DNAH8: variants seen among roughly 807,000 people sequenced by gnomAD.
DNAH8 encodes the protein dynein axonemal heavy chain 8.
In DNAH8, 382 loss-of-function variants were observed where a neutral mutation model predicts 562.1. That is an observed-to-expected ratio of 0.68 (90% CI 0.63 to 0.74). The LOEUF (loss-of-function observed/expected upper bound fraction) is 0.74. DNAH8 is among the 30% of genes least tolerant of loss of function. DNAH8 has a pLI of 0.00. For missense variants in DNAH8, 5,203 were observed against 5,620.4 expected, an observed-to-expected ratio of 0.93 and a Z score of 2.37; for synonymous variants, 1,881 against 1,919.4, an observed-to-expected ratio of 0.98 and a Z score of 0.52.
At position 38,990,008 on chromosome 6, in the gene DNAH8, A is replaced by T; in HGVS notation, c.13054-4A>T. ...TTATTTCTTTTGTTTTCTCTCACAT[A>T]CAGGTCTGGTTCAGTGAGAAGATGT... On this transcript the variant is annotated splice_polypyrimidine_tract_variant and splice_region_variant and intron_variant, in intron 87 of 92. Coordinates refer to ENST00000327475, the MANE Select transcript of DNAH8 (RefSeq NM_001206927.2). 6.4e-7 allele frequency: 1 copy of T among 1,559,030 alleles called. No homozygotes were observed. The highest frequency in any genetic ancestry group is 8.7e-7 in the Non-Finnish European group (1 of 1,143,362).
chr6:38,898,448 A>AT (rs2150503553), intron 61 of DNAH8, 68 bp downstream of exon 61: 1 of 1,362,192 alleles, frequency 7.3e-7, no homozygotes, highest in African/African-American at 1.5e-5. Context: ...TCATAGATAA[A>AT]TTTTTTGAGA....
chr6:38,895,982 A>T (rs765159570), intron 59 of DNAH8, 51 bp from the exon 60 acceptor site: 1 of 1,502,658 alleles, frequency 6.7e-7, no homozygotes, highest in Admixed American at 1.8e-5. Flanking sequence ...ATGTTCAGTT[A>T]GAAAAGATGC....
chr6:38,734,887 C>T (rs1296258401), intron 5 of DNAH8, among the ~76,000 whole-genome samples: 1 of 152,100 alleles, frequency 6.6e-6, no homozygotes. Context: ...TTTGTTGATG[C>T]AAAGTATTAG....
intron 57 of DNAH8, among the ~76,000 whole-genome samples, chr6:38,889,620 C>A (rs913004078): frequency 6.6e-6 from 1 of 152,158 alleles, no homozygotes; most frequent in South Asian, 2.1e-4. Flanking sequence ...GATAACTGCC[C>A]AATCAAGGCC....
chr6:38,717,666 T>C (rs1762443998), intron 1 of DNAH8, among the ~76,000 whole-genome samples: 1 of 151,038 alleles, frequency 6.6e-6, no homozygotes, highest in Non-Finnish European at 1.5e-5. Flanking sequence ...TACAGAAAGT[T>C]AGGAAATTGG....
intron 89 of DNAH8, among the ~76,000 whole-genome samples, chr6:39,010,047 C>T (rs1395855974): frequency 6.6e-6 from 1 of 152,134 alleles, no homozygotes; most frequent in Non-Finnish European, 1.5e-5. Context: ...ACTGCTATTG[C>T]CAGGGGAAAG....
At chr6:38,806,592 A>T (rs1314422906) in intron 23 of DNAH8, among the ~76,000 whole-genome samples, 2 of 151,998 alleles carry the variant, frequency 1.3e-5, no homozygotes, top group African/African-American at 4.8e-5. Flanking sequence ...GCTAGTGGTC[A>T]CCTCATAAAT....
At chr6:38,764,220 AGGC>A (rs1766778126) in intron 11 of DNAH8, 1 of 153,986 alleles carries the variant, frequency 6.5e-6, no homozygotes, top group South Asian at 2.1e-4. Context: ...GAGGAAGGGG[AGGC>A]TTGTGTGTGA....
At chr6:38,809,175 T>C (rs6912563) in intron 24 of DNAH8, among the ~76,000 whole-genome samples, 44,496 of 151,976 alleles carry the variant, frequency 0.29, 6,764 homozygotes, top group Admixed American at 0.38. Context: ...TCTTAGTATA[T>C]TACATTATTG....
chr6:38,882,907 T>C lies in DNAH8; in HGVS notation c.7859-3T>C. The stretch of plus-strand genomic sequence containing the variant: ...TTAAGATGAAATTTTACTTATTATA[T>C]AGGTGATTGGGAGCACTGGAATAAG... On this transcript the variant is annotated splice_polypyrimidine_tract_variant and splice_region_variant and intron_variant, in intron 53 of 92. Transcript: ENST00000327475. 1 of 1,555,136 alleles carries C rather than the reference T, an allele frequency of 6.4e-7. No homozygotes were observed. Among genetic ancestry groups the C allele is most frequent in the African/African-American group, 1.4e-5 (1 of 72,268 alleles).
Position 39,030,490 on chromosome 6 carries a change from T to C in DNAH8, c.*98T>C. 1 of 1,040,512 alleles carries C rather than the reference T, an allele frequency of 9.6e-7. No individual in the cohort carries two copies. The highest frequency in any genetic ancestry group is 2.4e-5 in the East Asian group (1 of 41,220). 64.5% of individuals were successfully genotyped at this position (1,040,512 alleles called of 1,614,324 possible). The stretch of plus-strand genomic sequence containing the variant: ...TGTGTCTTTTCTCCCCAGTAATTCC[T>C]TAATTACTCTTTCTACATTAAAAAG... On this transcript the variant is annotated 3_prime_UTR_variant, in exon 93 of 93. Transcript: ENST00000327475.
At chr6:38,721,258 T>C (rs1284705340) in intron 1 of DNAH8, among the ~76,000 whole-genome samples, 2 of 152,034 alleles carry the variant, frequency 1.3e-5, no homozygotes, top group Non-Finnish European at 2.9e-5. Context: ...TGAGTACTGG[T>C]ACTGTTTGGC....
At chr6:38,799,404 C>G (rs1770580223) in intron 21 of DNAH8, among the ~76,000 whole-genome samples, 1 of 152,074 alleles carries the variant, frequency 6.6e-6, no homozygotes, top group Admixed American at 6.6e-5. Flanking sequence ...GGGTCCTTCT[C>G]TCCAGCAGTA....
In DNAH8 at chr6:38,768,945, A is replaced by G. The variant is rs546565659; in HGVS notation, c.1618-1468A>G. Among the ~76,000 whole-genome samples the G allele has an allele frequency of 1.5e-3, 222 of 152,314 alleles. 2 individuals carry two copies. Among genetic ancestry groups the G allele is most frequent in the African/African-American group, 5.1e-3 (214 of 41,570 alleles). On this transcript the variant is annotated intron_variant, in intron 11 of 92. Coordinates refer to ENST00000327475, the MANE Select transcript of DNAH8 (RefSeq NM_001206927.2). Reference sequence around the variant, plus strand: ...GAAATTACTCCCCCCAAATTTGCCAATTGGCAGGAACCATAACTCTTTACA... The same window carrying G: ...GAAATTACTCCCCCCAAATTTGCCAGTTGGCAGGAACCATAACTCTTTACA...
At chr6:38,790,450 A>G in intron 20 of DNAH8, 45 bp downstream of exon 20, 1 of 892,570 alleles carries the variant, frequency 1.1e-6, no homozygotes, top group African/African-American at 1.7e-5. Flanking sequence ...TATACTCAGG[A>G]TATAAGTAAT....
At chr6:38,837,861 T>C (rs1774424988) in intron 32 of DNAH8, 81 bp from the exon 33 acceptor site, 1 of 1,037,796 alleles carries the variant, frequency 9.6e-7, no homozygotes, top group Non-Finnish European at 1.4e-6. Flanking sequence ...CAACCTAGCT[T>C]TTATCCCAAT....
intron 79 of DNAH8, among the ~76,000 whole-genome samples, chr6:38,941,015 G>C (rs1210732448): frequency 6.6e-6 from 1 of 152,056 alleles, no homozygotes; most frequent in Non-Finnish European, 1.5e-5. Context: ...AGCTACTCGG[G>C]AAGCTGAAGC....
chr6:38,994,377 G>T (rs1457012857), intron 88 of DNAH8, among the ~76,000 whole-genome samples: 1 of 151,926 alleles, frequency 6.6e-6, no homozygotes, highest in Non-Finnish European at 1.5e-5. Context: ...TTGTCGTTTC[G>T]TTTTATTTTT....
chr6:38,856,050 CACTT>C (rs1776170876), intron 41 of DNAH8, among the ~76,000 whole-genome samples: 1 of 152,344 alleles, frequency 6.6e-6, no homozygotes, highest in East Asian at 1.9e-4. Flanking sequence ...AGATCACTAA[CACTT>C]AGTCCTCCTA....
Sources: allele counts gnomAD v4.1 joint callset (sites outside exome capture counted in the v4.1 genomes callset), GRCh38; gene constraint gnomAD v4.1.1; transcripts MANE v1.5; gene names NCBI Gene and HGNC (gene_info 2026-07-23, HGNC 2026-07-21).